Variants in HIP1 observed in about 807,000 individuals in gnomAD.
HIP1 encodes huntingtin interacting protein 1, also known as huntingtin-interacting protein 1.
Under a neutral mutation model 147.6 loss-of-function variants are expected in HIP1, and 65 were observed. That is an observed-to-expected ratio of 0.44 (90% CI 0.36 to 0.54). The LOEUF is 0.54. Among genes scored for constraint, HIP1 ranks in the 20% least tolerant of loss-of-function variants. The pLI, the probability that HIP1 is intolerant of heterozygous loss-of-function variation, is 0.00. For missense variants in HIP1, 1,061 were observed against 1,299.6 expected (o/e 0.82, Z 2.82); for synonymous variants, 479 against 504.0 (o/e 0.95, Z 0.67).
Position 75,579,108 on chromosome 7 carries a change from G to A in HIP1, c.604+2129C>T, listed in dbSNP as rs183411372. 5.9e-5 allele frequency among the ~76,000 whole-genome samples: 9 copies of A among 152,170 alleles called. No individual in the cohort carries two copies. In the East Asian group the frequency reaches 1.7e-3, roughly 29 times the overall value. ...GCTGAAATTACAGGCATGAGCCACT[G>A]CGCCCGGCCCCAATGCATTTTTTAA... On this transcript the variant is annotated intron_variant, in intron 7 of 30. Transcript: ENST00000336926.
At chr7:75,559,947 G>A (rs782606981) in intron 13 of HIP1, 32 bp from the exon 14 acceptor site, 21 of 1,553,310 alleles carry the variant, frequency 1.4e-5, no homozygotes, top group African/African-American at 5.4e-5. Context: ...GAGGCCAACC[G>A]CCCACTGCCA....
intron 2 of HIP1, among the ~76,000 whole-genome samples, 178 bp from the exon 3 acceptor site, chr7:75,592,692 G>A (rs1413502531): frequency 2.6e-5 from 4 of 152,204 alleles, no homozygotes; most frequent in African/African-American, 9.6e-5. Context: ...GGACCGAGCA[G>A]TAGTGCAAGT....
intron 1 of HIP1, among the ~76,000 whole-genome samples, chr7:75,620,995 C>T (rs1584890359): frequency 1.3e-5 from 2 of 151,914 alleles, no homozygotes; most frequent in Non-Finnish European, 1.5e-5. Flanking sequence ...TTTGGGAGGC[C>T]GAGGAGGCAG....
chr7:75,579,915 C>T (rs1795978260), intron 7 of HIP1, among the ~76,000 whole-genome samples: 2 of 152,120 alleles, frequency 1.3e-5, no homozygotes, highest in Admixed American at 1.3e-4. Flanking sequence ...CATGGAACGC[C>T]CTGAGTCTCA....
chr7:75,686,120 C>A (rs933421067), intron 1 of HIP1, among the ~76,000 whole-genome samples: 25 of 151,804 alleles, frequency 1.6e-4, no homozygotes, highest in Non-Finnish European at 1.9e-4. Flanking sequence ...GAACTCCTGG[C>A]CTCAAGTAAT....
intron 1 of HIP1, among the ~76,000 whole-genome samples, chr7:75,603,546 T>C (rs1797094051): frequency 6.6e-6 from 1 of 151,912 alleles, no homozygotes; most frequent in South Asian, 2.1e-4. Context: ...CTACAGCACA[T>C]GATTTGGGGC....
In HIP1 at chr7:75,716,947, C is replaced by T. The variant is rs557371586; in HGVS notation, c.120+21854G>A. 9.6e-4 allele frequency among the ~76,000 whole-genome samples: 146 copies of T among 152,122 alleles called. 1 individual carries two copies. Among genetic ancestry groups the T allele is most frequent in the African/African-American group, 3.5e-3 (144 of 41,506 alleles). On this transcript the variant is annotated intron_variant, in intron 1 of 30. Coordinates refer to ENST00000336926, the MANE Select transcript of HIP1 (RefSeq NM_005338.7). ...CCTCCCACCTCAACCTCCCAAGTAGCTGGGACTACAGGCGCATGCCACCAC... is the reference window on the plus strand; with the variant it reads ...CCTCCCACCTCAACCTCCCAAGTAGTTGGGACTACAGGCGCATGCCACCAC...
Position 75,556,929 on chromosome 7 carries a change from T to G in HIP1, c.1582-118A>C, listed in dbSNP as rs1584793287. 6.4e-6 allele frequency: 4 copies of G among 622,078 alleles called. No individual in the cohort carries two copies. The East Asian group carries it at 1.1e-4, about 17-fold the overall frequency. 38.5% of individuals were successfully genotyped at this position (622,078 alleles called of 1,614,324 possible). ...TCTGTAAACTCTACTGTATGTAAGTTACACCCCCCCAAAAAAGTGCAGGGT... is the reference window on the plus strand; with the variant it reads ...TCTGTAAACTCTACTGTATGTAAGTGACACCCCCCCAAAAAAGTGCAGGGT... On this transcript the variant is annotated intron_variant, in intron 16 of 30. Coordinates refer to ENST00000336926, the MANE Select transcript of HIP1 (RefSeq NM_005338.7).
chr7:75,695,933 T>C (rs1157742265), intron 1 of HIP1, among the ~76,000 whole-genome samples: 1 of 151,932 alleles, frequency 6.6e-6, no homozygotes, highest in African/African-American at 2.4e-5. Flanking sequence ...GTGCCTCCAG[T>C]ATGATGTCTC....
intron 1 of HIP1, among the ~76,000 whole-genome samples, chr7:75,698,675 TCAGG>T (rs781459698): frequency 6.6e-6 from 1 of 151,770 alleles, no homozygotes; most frequent in Non-Finnish European, 1.5e-5. Context: ...TTTTTTTAAG[TCAGG>T]CACAGTGGCA....
intron 1 of HIP1, among the ~76,000 whole-genome samples, chr7:75,703,930 G>GAAGCCTTTGGTGAAGAGTCTAGGGAA (rs1554519428): frequency 6.6e-6 from 1 of 152,112 alleles, no homozygotes; most frequent in Non-Finnish European, 1.5e-5. Context: ...CTGCCGACCC[G>GAAGCCTTTGGTGAAGAGTCTAGGGAA]AAGCCTTTGG....
intron 1 of HIP1, among the ~76,000 whole-genome samples, chr7:75,642,071 C>T (rs1435025189): frequency 6.6e-6 from 1 of 152,092 alleles, no homozygotes; most frequent in Non-Finnish European, 1.5e-5. Flanking sequence ...ATTGTGACTC[C>T]CTACTGGCCA....
intron 1 of HIP1, among the ~76,000 whole-genome samples, chr7:75,706,505 TTTTA>T (rs1554519759): frequency 2.7e-5 from 4 of 146,024 alleles, no homozygotes; most frequent in South Asian, 2.1e-4. Flanking sequence ...TTTTTTTATT[TTTTA>T]TTTATTTATT....
At chr7:75,687,768 T>A (rs782102438) in intron 1 of HIP1, among the ~76,000 whole-genome samples, 11 of 152,192 alleles carry the variant, frequency 7.2e-5, no homozygotes, top group Non-Finnish European at 8.8e-5. Flanking sequence ...AAGTCTCTTA[T>A]GACCCACAAG....
At chr7:75,587,819 C>A (rs2116950760) in intron 4 of HIP1, among the ~76,000 whole-genome samples, 1 of 152,240 alleles carries the variant, frequency 6.6e-6, no homozygotes, top group Middle Eastern at 3.4e-3. Flanking sequence ...AAAAAATTAG[C>A]TGGGCATGGT....
intron 1 of HIP1, among the ~76,000 whole-genome samples, chr7:75,674,300 A>G (rs1799817912): frequency 6.6e-6 from 1 of 152,164 alleles, no homozygotes; most frequent in Non-Finnish European, 1.5e-5. Context: ...AAAAGCTTTC[A>G]GTCATTCACT....
chr7:75,579,011 C>T (rs977412605), intron 7 of HIP1, among the ~76,000 whole-genome samples: 13 of 151,944 alleles, frequency 8.6e-5, no homozygotes, highest in Middle Eastern at 3.4e-3. Context: ...ATAGAGATGG[C>T]GTTTCACCAT....
chr7:75,667,366 T>C (rs1383854213), intron 1 of HIP1, among the ~76,000 whole-genome samples: 3 of 152,238 alleles, frequency 2.0e-5, no homozygotes, highest in African/African-American at 7.2e-5. Flanking sequence ...CATTTCCTTA[T>C]ATAAATATAG....
At chr7:75,689,928 G>A (rs527737516) in intron 1 of HIP1, among the ~76,000 whole-genome samples, 2 of 152,194 alleles carry the variant, frequency 1.3e-5, no homozygotes, top group East Asian at 3.9e-4. Flanking sequence ...GGGGATCTGC[G>A]AGCCCTGGCT....
Sources: gnomAD v4.1 joint callset for allele counts (sites outside exome capture counted in the v4.1 genomes callset) on GRCh38, gnomAD v4.1.1 for gene constraint, MANE v1.5 for transcripts, NCBI Gene and HGNC (gene_info 2026-07-23, HGNC 2026-07-21) for gene names.